Variants in RIPOR2 observed in about 807,000 individuals in gnomAD.
RIPOR2 encodes RHO family interacting cell polarization regulator 2, also known as rho family-interacting cell polarization regulator 2.
Under a neutral mutation model 114.5 loss-of-function variants are expected in RIPOR2, and 39 were observed. The ratio of observed to expected loss-of-function variants is 0.34; its 90% CI spans 0.26 to 0.44. RIPOR2 has a LOEUF of 0.44. Among genes scored for constraint, RIPOR2 ranks in the 20% least tolerant of loss-of-function variants. RIPOR2 has a pLI of 1.00. For synonymous variants in RIPOR2, 445 were observed against 484.4 expected (o/e 0.92, Z 1.07); for missense variants, 1,007 against 1,255.1 (o/e 0.80, Z 2.99).
At chr6:24,976,205 G>C (rs943350681) in intron 1 of RIPOR2, among the ~76,000 whole-genome samples, 2 of 152,004 alleles carry the variant, frequency 1.3e-5, no homozygotes, top group Non-Finnish European at 2.9e-5. Context: ...ACTCACTATG[G>C]CATTATTTAT....
At chr6:24,972,192 AG>A (rs1370168371) in intron 1 of RIPOR2, among the ~76,000 whole-genome samples, 1 of 152,234 alleles carries the variant, frequency 6.6e-6, no homozygotes, top group East Asian at 1.9e-4. Flanking sequence ...AATCTTACAA[AG>A]ATATGCAGAA....
At chr6:24,973,514 T>C (rs1356941044) in intron 1 of RIPOR2, among the ~76,000 whole-genome samples, 1 of 151,694 alleles carries the variant, frequency 6.6e-6, no homozygotes, top group African/African-American at 2.4e-5. Context: ...GGAGAATAGC[T>C]TGAACCTGGA....
chr6:24,946,704 T>C (rs1255759196), intron 1 of RIPOR2, among the ~76,000 whole-genome samples: 1 of 152,012 alleles, frequency 6.6e-6, no homozygotes, highest in Non-Finnish European at 1.5e-5. Context: ...CCAAAAGAAA[T>C]AGGGGCCCAA....
intron 1 of RIPOR2, among the ~76,000 whole-genome samples, chr6:24,988,009 A>G (rs1327096847): frequency 2.6e-5 from 4 of 152,214 alleles, no homozygotes; most frequent in Non-Finnish European, 5.9e-5. Flanking sequence ...AACAGATGAT[A>G]CCTAACTCCT....
intron 1 of RIPOR2, among the ~76,000 whole-genome samples, chr6:24,908,438 C>T (rs1010994155): frequency 6.6e-6 from 1 of 152,234 alleles, no homozygotes; most frequent in East Asian, 1.9e-4. Context: ...TCACCCTGCA[C>T]AGTTGCCTTT....
chr6:24,878,188 A>C (rs1003891353), intron 1 of RIPOR2, among the ~76,000 whole-genome samples: 1 of 152,210 alleles, frequency 6.6e-6, no homozygotes, highest in Admixed American at 6.5e-5. Context: ...CTTGGGGTTC[A>C]CTATATTTAA....
intron 13 of RIPOR2, chr6:24,839,530 G>T (rs1761428628): frequency 2.1e-6 from 3 of 1,398,386 alleles, no homozygotes; most frequent in Non-Finnish European, 2.9e-6. Flanking sequence ...AACAAGATTG[G>T]CCATGAGTTG....
At chr6:24,977,094 T>C in intron 1 of RIPOR2, 1 of 1,078,196 alleles carries the variant, frequency 9.3e-7, no homozygotes, top group East Asian at 2.4e-5. Flanking sequence ...CTTGCTGCAG[T>C]TCCCTTTGGG....
Position 24,818,536 on chromosome 6 carries a change from C to T in RIPOR2, c.2952+6G>A, listed in dbSNP as rs1299672382. On this transcript the variant is annotated splice_donor_region_variant and intron_variant, in intron 20 of 21. Transcript: ENST00000643898. ...CTGCCAGGGGAGCTCCAAGGCTGGG[C>T]TTTACCTCAAGGATTTTCAGAGCCA... 5.2e-6 allele frequency: 8 copies of T among 1,544,880 alleles called. No homozygotes were observed. The highest frequency in any genetic ancestry group is 2.4e-5 in the South Asian group (2 of 83,252).
intron 1 of RIPOR2, among the ~76,000 whole-genome samples, chr6:25,006,929 G>C (rs1402767018): frequency 6.6e-6 from 1 of 152,232 alleles, no homozygotes; most frequent in Non-Finnish European, 1.5e-5. Context: ...AATGCTGTGT[G>C]GTGTGCCTGC....
At chr6:24,888,822 G>A (rs1413931234) in intron 1 of RIPOR2, among the ~76,000 whole-genome samples, 1 of 152,172 alleles carries the variant, frequency 6.6e-6, no homozygotes, top group Non-Finnish European at 1.5e-5. Context: ...CAAGTAAATT[G>A]AATTGATGGA....
At chr6:24,913,863 A>G (rs910575033) in intron 1 of RIPOR2, among the ~76,000 whole-genome samples, 1 of 152,196 alleles carries the variant, frequency 6.6e-6, no homozygotes, top group African/African-American at 2.4e-5. Context: ...AACCTCATCC[A>G]GGGAAACAGT....
At chr6:24,871,668 G>A (rs1199773340) in intron 4 of RIPOR2, among the ~76,000 whole-genome samples, 1 of 152,172 alleles carries the variant, frequency 6.6e-6, no homozygotes, top group African/African-American at 2.4e-5. Context: ...AAGAGTTCTT[G>A]AGGCTGTGAT....
intron 1 of RIPOR2, among the ~76,000 whole-genome samples, chr6:24,916,541 C>A (rs1305244857): frequency 6.6e-6 from 1 of 152,168 alleles, no homozygotes; most frequent in Admixed American, 6.5e-5. Context: ...CTGGTTTCTG[C>A]CACCTTTTTC....
At chr6:24,959,484 T>A (rs1773203496) in intron 1 of RIPOR2, among the ~76,000 whole-genome samples, 1 of 152,220 alleles carries the variant, frequency 6.6e-6, no homozygotes, top group South Asian at 2.1e-4. Context: ...GCTGACCTTT[T>A]TTCCCAGGAG....
intron 1 of RIPOR2, among the ~76,000 whole-genome samples, chr6:24,962,615 G>T (rs938130741): frequency 2.1e-5 from 3 of 142,052 alleles, no homozygotes; most frequent in Non-Finnish European, 3.1e-5. Flanking sequence ...TCTAGGAGAG[G>T]TGGGATAAAA....
intron 1 of RIPOR2, among the ~76,000 whole-genome samples, chr6:24,968,312 T>G: frequency 6.6e-6 from 1 of 152,174 alleles, no homozygotes; most frequent in Non-Finnish European, 1.5e-5. Flanking sequence ...CTGACAATGA[T>G]TTGAGATATT....
intron 1 of RIPOR2, among the ~76,000 whole-genome samples, chr6:24,971,888 C>G (rs1349390087): frequency 1.5e-5 from 1 of 68,124 alleles, no homozygotes; most frequent in Non-Finnish European, 4.1e-5. Flanking sequence ...GTGTCAAATT[C>G]TTCAACTATA....
chr6:24,910,658 C>T, intron 1 of RIPOR2: 1 of 272,378 alleles, frequency 3.7e-6, no homozygotes. Flanking sequence ...CTTCAGATGC[C>T]CGAACCCACC....
Sources: allele counts gnomAD v4.1 joint callset (sites outside exome capture counted in the v4.1 genomes callset), GRCh38; gene constraint gnomAD v4.1.1; transcripts MANE v1.5; gene names NCBI Gene and HGNC (gene_info 2026-07-23, HGNC 2026-07-21).